Variants in ST6GAL1 observed in about 807,000 individuals in gnomAD.
The protein encoded by ST6GAL1 is ST6 beta-galactoside alpha-2,6-sialyltransferase 1.
ST6GAL1 carries 20 observed loss-of-function variants against 38.0 expected under a neutral mutation model. The ratio of observed to expected loss-of-function variants is 0.53; its 90% CI spans 0.37 to 0.77. The LOEUF is 0.77. Among genes scored for constraint, ST6GAL1 ranks in the 30% least tolerant of loss-of-function variants. ST6GAL1 has a pLI of 0.00. For missense variants in ST6GAL1, 432 were observed against 496.4 expected (o/e 0.87, Z 1.23); for synonymous variants, 196 against 188.2 (o/e 1.04, Z -0.34).
At chr3:186,939,106 C>G (rs573096895) in intron 1 of ST6GAL1, among the ~76,000 whole-genome samples, 1 of 149,984 alleles carries the variant, frequency 6.7e-6, no homozygotes, top group East Asian at 2.0e-4. Flanking sequence ...CAGGGTCTCG[C>G]ACTGTCACCC....
intron 2 of ST6GAL1, among the ~76,000 whole-genome samples, chr3:186,965,077 A>T (rs1715060279): frequency 6.6e-6 from 1 of 152,194 alleles, no homozygotes. Context: ...TAGTGGTAGA[A>T]GTTGGCTGCA....
intron 1 of ST6GAL1, among the ~76,000 whole-genome samples, chr3:186,937,012 C>T (rs13064967): frequency 0.025 from 3,572 of 142,798 alleles, 70 homozygotes; most frequent in Non-Finnish European, 0.041. Flanking sequence ...TACAAAAAAA[C>T]ATAGAGAAAC....
At chr3:187,035,938 C>T (rs1393835285) in intron 2 of ST6GAL1, among the ~76,000 whole-genome samples, 3 of 151,770 alleles carry the variant, frequency 2.0e-5, no homozygotes, top group Admixed American at 6.6e-5. Context: ...TTTTGTGCAG[C>T]AAAAGAAACT....
chr3:187,068,548 TG>T (rs1719252131), intron 5 of ST6GAL1, among the ~76,000 whole-genome samples: 1 of 152,196 alleles, frequency 6.6e-6, no homozygotes, highest in Non-Finnish European at 1.5e-5. Flanking sequence ...GTACCTAGCA[TG>T]TAGTAAGCAT....
chr3:186,993,654 C>G (rs769512195), intron 2 of ST6GAL1, among the ~76,000 whole-genome samples: 1 of 151,260 alleles, frequency 6.6e-6, no homozygotes, highest in Non-Finnish European at 1.5e-5. Context: ...GCCTTAAAGC[C>G]CTTCTTTCCA....
intron 2 of ST6GAL1, among the ~76,000 whole-genome samples, chr3:187,004,648 G>A (rs997273787): frequency 2.6e-5 from 4 of 152,208 alleles, no homozygotes; most frequent in African/African-American, 9.7e-5. Flanking sequence ...AAGAAAGGAT[G>A]CCCTTTCAGC....
intron 2 of ST6GAL1, among the ~76,000 whole-genome samples, chr3:186,973,007 G>A (rs36055194): frequency 0.054 from 8,150 of 152,186 alleles, 274 homozygotes; most frequent in South Asian, 0.12. Flanking sequence ...CTGGATCACC[G>A]CTGGGAAGAT....
At chr3:187,057,175 A>G (rs1718733887) in intron 5 of ST6GAL1, among the ~76,000 whole-genome samples, 1 of 152,074 alleles carries the variant, frequency 6.6e-6, no homozygotes, top group Non-Finnish European at 1.5e-5. Context: ...GGTCTTCTCT[A>G]TACTGTTTAT....
At chr3:187,028,089 A>G (rs1464768033) in intron 2 of ST6GAL1, among the ~76,000 whole-genome samples, 3 of 152,128 alleles carry the variant, frequency 2.0e-5, no homozygotes, top group Non-Finnish European at 2.9e-5. Context: ...AGTGGGTTCA[A>G]GTGAGAGTGG....
chr3:186,938,861 G>C (rs150263451), intron 1 of ST6GAL1, among the ~76,000 whole-genome samples: 1 of 152,192 alleles, frequency 6.6e-6, no homozygotes, highest in Non-Finnish European at 1.5e-5. Flanking sequence ...CTTATCAGCC[G>C]AGCCATAGCT....
At chr3:186,937,213 T>C (rs34190794) in intron 1 of ST6GAL1, among the ~76,000 whole-genome samples, 93,885 of 151,888 alleles carry the variant, frequency 0.62, 29,103 homozygotes, top group African/African-American at 0.67. Flanking sequence ...AAAGCTGTAT[T>C]CTTTCATTCG....
At chr3:186,999,628 C>T (rs1716546630) in intron 2 of ST6GAL1, among the ~76,000 whole-genome samples, 1 of 151,936 alleles carries the variant, frequency 6.6e-6, no homozygotes, top group Admixed American at 6.6e-5. Flanking sequence ...CCAGGATGGT[C>T]TCGATCTCCT....
rs1001567593 is a variant in ST6GAL1 at position 186,963,896 on chromosome 3, C to T, written c.-213C>T. 9 of 152,394 alleles carry T rather than the reference C, an allele frequency of 5.9e-5. No individual in the cohort carries two copies. The highest frequency in any genetic ancestry group is 2.2e-4 in the African/African-American group (9 of 41,464). 9.4% of individuals were successfully genotyped at this position (152,394 alleles called of 1,614,324 possible). ...TGGCCCCCTTGAGCCTGTCCCAAGC[C>T]CTGGTGCCAGGTGTCCATCCCCGTG... On this transcript the variant is annotated 5_prime_UTR_variant, in exon 2 of 8. Coordinates refer to ENST00000169298, the MANE Select transcript of ST6GAL1 (RefSeq NM_173216.2).
At chr3:187,009,268 A>G (rs1237596632) in intron 2 of ST6GAL1, among the ~76,000 whole-genome samples, 2 of 152,108 alleles carry the variant, frequency 1.3e-5, no homozygotes, top group African/African-American at 4.8e-5. Flanking sequence ...TTTTAATGGT[A>G]CTATGGTCGT....
chr3:187,042,852 G>A lies in ST6GAL1; in HGVS notation c.149G>A (p.Ser50Asn). The change falls in exon 4 of 8, where the codon AGT becomes AAT. Residue 50 changes from serine to asparagine, a missense_variant. Ser to Asn is a conservative substitution (Grantham distance 46). Transcript: ENST00000169298. ...ACCAAGGAATTCCAGGTGTTAAAGA[G>A]TCTGGGGAAATTGGCCATGGGGTCT... The part of the protein sequence containing the change: ...LQTKEFQVLK[S>N]LGKLAMGSDS... The A allele has an allele frequency of 6.2e-7, 1 of 1,614,182 alleles. No individual in the cohort carries two copies. Among genetic ancestry groups the A allele is most frequent in the African/African-American group, 1.3e-5 (1 of 75,056 alleles).
chr3:187,069,423 A>G (rs963211441), intron 5 of ST6GAL1, among the ~76,000 whole-genome samples: 3 of 152,094 alleles, frequency 2.0e-5, no homozygotes, highest in Non-Finnish European at 4.4e-5. Context: ...CCTTACTCCC[A>G]CAGGCATATA....
intron 2 of ST6GAL1, among the ~76,000 whole-genome samples, chr3:186,970,082 A>C (rs190798030): frequency 3.3e-5 from 5 of 152,292 alleles, no homozygotes; most frequent in Admixed American, 2.6e-4. Context: ...ACATAATTAT[A>C]GTACAATATC....
At chr3:186,960,635 A>AG (rs1461086431) in intron 1 of ST6GAL1, among the ~76,000 whole-genome samples, 1 of 152,110 alleles carries the variant, frequency 6.6e-6, no homozygotes, top group Non-Finnish European at 1.5e-5. Flanking sequence ...GTATGGTGAT[A>AG]GGAGGAAGTT....
Position 186,962,870 on chromosome 3 carries a change from A to G in ST6GAL1, c.-324-915A>G, listed in dbSNP as rs144941362. Among the ~76,000 whole-genome samples the G allele has an allele frequency of 3.5e-3, 540 of 152,228 alleles. 7 individuals are homozygous for G. Among genetic ancestry groups the G allele is most frequent in the African/African-American group, 0.013 (526 of 41,536 alleles). On this transcript the variant is annotated intron_variant, in intron 1 of 7. Transcript: ENST00000169298. ...ATTGGAGATCCTTGGGTACGTATAT[A>G]TTATGCAGCCATTAAAATGATGCTG...
Sources: allele counts gnomAD v4.1 joint callset (sites outside exome capture counted in the v4.1 genomes callset), GRCh38; gene constraint gnomAD v4.1.1; transcripts MANE v1.5; gene names NCBI Gene and HGNC (gene_info 2026-07-23, HGNC 2026-07-21).